The following CYP46A1 variants were observed in gnomAD, a reference collection of about 807,000 sequenced individuals.
The protein encoded by CYP46A1 is cholesterol 24-hydroxylase.
In CYP46A1, 20 loss-of-function variants were observed where a neutral mutation model predicts 63.3. That is an observed-to-expected ratio of 0.32 (90% CI 0.22 to 0.46). The LOEUF (loss-of-function observed/expected upper bound fraction) is 0.46, where lower values mean the gene tolerates loss of function less well. CYP46A1 is among the 20% of genes least tolerant of loss of function. CYP46A1 has a pLI of 1.00. For missense variants in CYP46A1, 445 were observed against 670.8 expected (o/e 0.66, Z 3.72); for synonymous variants, 268 against 273.6 (o/e 0.98, Z 0.20).
intron 7 of CYP46A1, 149 bp from the exon 8 acceptor site, chr14:99,715,661 C>T (rs1173465706): frequency 2.0e-6 from 2 of 1,010,808 alleles, no homozygotes; most frequent in African/African-American, 3.2e-5. Flanking sequence ...ATCCAGTCTC[C>T]CTGGCTGCTT....
chr14:99,722,021 G>T lies in CYP46A1; in HGVS notation c.1131G>T (p.Glu377Asp), dbSNP rs751383710. ...GCACCTTTCGCCTGCTGGAAGAGGA[G>T]ACCTTGATTGATGGGGTCAGAGTCC... ...AWGTFRLLEE[E>D]TLIDGVRVPG... Residue 377 changes from glutamate (E) to aspartate (D), a missense_variant, in exon 12 of 15, where the codon GAG (glutamate) becomes GAT (aspartate). Glu to Asp is a conservative substitution (Grantham distance 45). This residue lies in a region of CYP46A1 where 95 missense variants were observed against 156.9 expected (regional missense o/e 0.61). Coordinates refer to ENST00000261835, the MANE Select transcript of CYP46A1 (RefSeq NM_006668.2). This position sits in a 1 kb window ranked among gnomAD's most constrained non-coding sequence, Gnocchi z 4.6. 1.2e-6 allele frequency: 2 copies of T among 1,613,640 alleles called. No homozygotes were observed. The highest frequency in any genetic ancestry group is 2.2e-5 in the East Asian group (1 of 44,858).
intron 1 of CYP46A1, among the ~76,000 whole-genome samples, chr14:99,688,522 G>T (rs2056515193): frequency 6.6e-6 from 1 of 152,072 alleles, no homozygotes; most frequent in Non-Finnish European, 1.5e-5. Context: ...GTTCCGGGAG[G>T]GTAGCCCAGG....
rs2140113791 is a variant in CYP46A1, at chr14:99,691,875, T to G, written c.282+14T>G. 6.2e-7 allele frequency: 1 copy of G among 1,613,506 alleles called. No homozygotes were observed. Among genetic ancestry groups the G allele is most frequent in the Non-Finnish European group, 8.5e-7 (1 of 1,179,672 alleles). The stretch of plus-strand genomic sequence containing the variant: ...GAGTCGGTTAAGGTAGGAGGAAGAG[T>G]GGTTTCCATGAGGGAGTTCCCTGCC... On this transcript the variant is annotated intron_variant, in intron 3 of 14. Transcript: ENST00000261835.
chr14:99,726,369 C>A, intron 14 of CYP46A1, 113 bp downstream of exon 14: 1 of 982,660 alleles, frequency 1.0e-6, no homozygotes. Context: ...GCTGTGGGCT[C>A]GGGACCCAGC....
In CYP46A1 at chr14:99,691,250, T is replaced by C. The variant is rs1871056347; in HGVS notation, c.200+89T>C. 3 of 1,302,198 alleles carry C rather than the reference T, an allele frequency of 2.3e-6. No individual in the cohort carries two copies. In the South Asian group the frequency reaches 3.6e-5, roughly 16 times the overall value. 80.7% of individuals were successfully genotyped at this position (1,302,198 alleles called of 1,614,324 possible). A position where few individuals can be genotyped will look rare whatever the true frequency, so the allele number is the denominator to read the frequency against. On this transcript the variant is annotated intron_variant, in intron 2 of 14. Coordinates refer to ENST00000261835, the MANE Select transcript of CYP46A1 (RefSeq NM_006668.2). The stretch of plus-strand genomic sequence containing the variant: ...CAATCCAGCACACAGACTCCCAGCC[T>C]CACCTTCCCCTAGCCCAGGTTACTC...
At chr14:99,686,223 G>T (rs1329205742) in intron 1 of CYP46A1, among the ~76,000 whole-genome samples, 3 of 152,144 alleles carry the variant, frequency 2.0e-5, no homozygotes, top group African/African-American at 7.2e-5. Context: ...TCAGCACTTA[G>T]AATTGAATGA....
intron 1 of CYP46A1, among the ~76,000 whole-genome samples, chr14:99,688,585 A>G (rs2056515985): frequency 6.6e-6 from 1 of 152,016 alleles, no homozygotes; most frequent in Admixed American, 6.5e-5. Context: ...CCCCACCTCC[A>G]AATCAGCACT....
Position 99,699,998 on chromosome 14 carries a change from G to T in CYP46A1, c.357-17G>T. On this transcript the variant is annotated splice_polypyrimidine_tract_variant and intron_variant, in intron 4 of 14. Transcript: ENST00000261835. ...CCCCCCACCCTCTTTCCCGCATCACGTGTGTGTCTCCTACAGACTCTTCGG... is the reference window on the plus strand; with the variant it reads ...CCCCCCACCCTCTTTCCCGCATCACTTGTGTGTCTCCTACAGACTCTTCGG... 6.8e-7 allele frequency: 1 copy of T among 1,468,088 alleles called. No homozygotes were observed. The highest frequency in any genetic ancestry group is 9.1e-7 in the Non-Finnish European group (1 of 1,100,220). 90.9% of individuals were successfully genotyped at this position (1,468,088 alleles called of 1,614,324 possible).
At chr14:99,701,256 A>G (rs910166798) in intron 5 of CYP46A1, among the ~76,000 whole-genome samples, 1 of 152,226 alleles carries the variant, frequency 6.6e-6, no homozygotes, top group Admixed American at 6.5e-5. Context: ...AGTCTACATT[A>G]GCGTGCAGTA....
chr14:99,706,436 C>A (rs1024144295), intron 5 of CYP46A1: 18 of 574,970 alleles, frequency 3.1e-5, no homozygotes, highest in Non-Finnish European at 4.9e-5. Context: ...CAGCATCCAT[C>A]CTGAGTGGAG....
At chr14:99,707,719 C>G in intron 7 of CYP46A1, 41 bp downstream of exon 7, 2 of 1,543,740 alleles carry the variant, frequency 1.3e-6, no homozygotes, top group Non-Finnish European at 1.8e-6. Context: ...GCCACCAGAG[C>G]TGTTGTCTTC....
At chr14:99,711,007 T>G (rs909348028) in intron 7 of CYP46A1, 2 of 82,018 alleles carry the variant, frequency 2.4e-5, no homozygotes, top group Non-Finnish European at 6.1e-5. Flanking sequence ...CAAGTGAAAC[T>G]TTGGAAATTG....
chr14:99,686,114 G>A (rs935394422), intron 1 of CYP46A1, among the ~76,000 whole-genome samples: 2 of 152,152 alleles, frequency 1.3e-5, no homozygotes, highest in African/African-American at 4.8e-5. Flanking sequence ...TACATGCATA[G>A]TAGACACTCT....
intron 3 of CYP46A1, among the ~76,000 whole-genome samples, chr14:99,697,033 C>G (rs2056592812): frequency 6.6e-6 from 1 of 152,186 alleles, no homozygotes; most frequent in Non-Finnish European, 1.5e-5. Context: ...TGAGGTTTGT[C>G]TATTCTGGGT....
Position 99,700,081 on chromosome 14 carries a change from A to G in CYP46A1, c.423A>G (p.Ile141Met), listed in dbSNP as rs771783206. ...YERWHKQRRV[I>M]DLAFSRSSLV... ...GCTGGCACAAGCAGCGGAGAGTCAT[A>G]GACCTGGCCTTCAGCCGGAGGTGAG... The change falls in exon 5 of 15, where the codon ATA becomes ATG. Residue 141 changes from isoleucine to methionine, a missense_variant. Coordinates refer to ENST00000261835, the MANE Select transcript of CYP46A1 (RefSeq NM_006668.2). The G allele has an allele frequency of 2.1e-5, 34 of 1,602,008 alleles. 1 individual carries two copies. The Admixed American group carries it at 5.2e-4, about 25-fold the overall frequency.
intron 11 of CYP46A1, among the ~76,000 whole-genome samples, chr14:99,721,748 C>A (rs910078584): frequency 6.6e-6 from 1 of 152,060 alleles, no homozygotes; most frequent in African/African-American, 2.4e-5. Flanking sequence ...TGTGGCCTTG[C>A]ACACTCCCTT....
intron 14 of CYP46A1, 82 bp downstream of exon 14, chr14:99,726,338 C>G: frequency 6.8e-7 from 1 of 1,470,658 alleles, no homozygotes. Context: ...CATCTCCGAA[C>G]CCCTGCTCTG....
intron 5 of CYP46A1, 91 bp from the exon 6 acceptor site, chr14:99,706,556 C>T (rs2056677933): frequency 7.7e-6 from 12 of 1,549,784 alleles, no homozygotes; most frequent in Non-Finnish European, 8.8e-6. Flanking sequence ...CTTCACTCTG[C>T]ACAGTATCCT....
At position 99,722,645 on chromosome 14, in the gene CYP46A1, G is replaced by A. The variant is rs1271697925; in HGVS notation, c.1176+579G>A. On this transcript the variant is annotated intron_variant, in intron 12 of 14. Coordinates refer to ENST00000261835, the MANE Select transcript of CYP46A1 (RefSeq NM_006668.2). This position sits in a 1 kb window ranked among gnomAD's most constrained non-coding sequence, Gnocchi z 4.6. ...TCTGAATTGTGTGTTTGCCATTCCC[G>A]TGTGTGTGTGTGTGTGTGTGTGTGT... is the stretch of plus-strand genomic sequence containing the variant. Among the ~76,000 whole-genome samples the A allele has an allele frequency of 4.0e-4, 5 of 12,552 alleles. No homozygotes were observed. Among genetic ancestry groups the A allele is most frequent in the African/African-American group, 9.4e-4 (2 of 2,120 alleles). 8.2% of individuals were successfully genotyped at this position (12,552 alleles called of 152,430 possible). A position where few individuals can be genotyped will look rare whatever the true frequency, so the allele number is the denominator to read the frequency against.
Sources: allele counts gnomAD v4.1 joint callset (sites outside exome capture counted in the v4.1 genomes callset), GRCh38; gene constraint gnomAD v4.1.1; regional missense constraint gnomAD v4.1.1; non-coding constraint Gnocchi (gnomAD v3.1); transcripts MANE v1.5; gene names NCBI Gene and HGNC (gene_info 2026-07-23, HGNC 2026-07-21).